DGKG: variants seen among roughly 807,000 people sequenced by gnomAD.
The protein encoded by DGKG is diacylglycerol kinase gamma, also known as DAG kinase gamma.
DGKG carries 78 observed loss-of-function variants against 105.3 expected under a neutral mutation model. The observed-to-expected ratio is 0.74, with a 90% confidence interval of 0.62 to 0.89. DGKG has a LOEUF of 0.89. DGKG is among the 40% of genes least tolerant of loss of function. The pLI is 0.00. For synonymous variants in DGKG, 346 were observed against 367.1 expected, an observed-to-expected ratio of 0.94 and a Z score of 0.66; for missense variants, 958 against 1,020.1, an observed-to-expected ratio of 0.94 and a Z score of 0.83.
chr3:186,303,274 G>A (rs1393702392), intron 3 of DGKG, among the ~76,000 whole-genome samples: 1 of 152,186 alleles, frequency 6.6e-6, no homozygotes, highest in Non-Finnish European at 1.5e-5. Context: ...GTGGCTAGGG[G>A]TCATGCCCAA....
intron 20 of DGKG, among the ~76,000 whole-genome samples, chr3:186,229,419 G>A (rs7614563): frequency 0.71 from 107,061 of 151,782 alleles, 40,077 homozygotes; most frequent in East Asian, 0.97. Flanking sequence ...TAATTTTTGT[G>A]TTTTTAGTAG....
chr3:186,180,969 C>A (rs1425319477), intron 22 of DGKG, among the ~76,000 whole-genome samples: 1 of 152,196 alleles, frequency 6.6e-6, no homozygotes, highest in African/African-American at 2.4e-5. Context: ...TCTAGGAGGG[C>A]AGATCTGATG....
At chr3:186,188,735 A>G (rs777194692) in intron 21 of DGKG, among the ~76,000 whole-genome samples, 7 of 152,166 alleles carry the variant, frequency 4.6e-5, no homozygotes, top group Non-Finnish European at 8.8e-5. Flanking sequence ...CCTAACCATT[A>G]GAAGATTTAG....
chr3:186,356,025 G>A (rs1726940734), intron 1 of DGKG, among the ~76,000 whole-genome samples: 1 of 152,172 alleles, frequency 6.6e-6, no homozygotes, highest in Non-Finnish European at 1.5e-5. Context: ...AAATACCAGT[G>A]ATGAAGAATA....
At chr3:186,229,997 C>A (rs998752681) in intron 20 of DGKG, among the ~76,000 whole-genome samples, 12 of 152,300 alleles carry the variant, frequency 7.9e-5, no homozygotes, top group Middle Eastern at 3.4e-3. Context: ...CGGTGGCTCA[C>A]GCCTGTAATC....
chr3:186,286,263 G>C (rs565162252), intron 6 of DGKG, among the ~76,000 whole-genome samples: 1 of 152,144 alleles, frequency 6.6e-6, no homozygotes, highest in African/African-American at 2.4e-5. Context: ...GGCATGCATC[G>C]TATGCTGCTG....
intron 1 of DGKG, among the ~76,000 whole-genome samples, chr3:186,347,370 C>T (rs1726392010): frequency 1.3e-5 from 2 of 149,692 alleles, no homozygotes; most frequent in Non-Finnish European, 3.0e-5. Flanking sequence ...ATTGCTTGAA[C>T]CCGGGAGGCA....
intron 2 of DGKG, 70 bp downstream of exon 2, chr3:186,320,323 A>G (rs1339149508): frequency 1.3e-6 from 2 of 1,595,274 alleles, no homozygotes; most frequent in African/African-American, 1.3e-5. Flanking sequence ...TCATACTGCT[A>G]TGCTTTCCAG....
intron 22 of DGKG, among the ~76,000 whole-genome samples, chr3:186,177,214 G>GA (rs1019829984): frequency 1.2e-4 from 18 of 152,250 alleles, no homozygotes; most frequent in Admixed American, 5.2e-4. Flanking sequence ...GCTCCCGGCT[G>GA]AAAAAGCTTC....
intron 3 of DGKG, among the ~76,000 whole-genome samples, chr3:186,299,837 C>CTTTCTTTCTTTCT (rs1560142091): frequency 1.1e-5 from 1 of 89,996 alleles, no homozygotes; most frequent in Non-Finnish European, 2.3e-5. Flanking sequence ...TTCTTTCTTT[C>CTTTCTTTCTTTCT]TTTTTTTTTT....
intron 13 of DGKG, 164 bp downstream of exon 13, chr3:186,267,521 G>GT (rs1462534284): frequency 1.0e-5 from 6 of 596,788 alleles, no homozygotes; most frequent in Non-Finnish European, 1.8e-5. Context: ...ACCCTCCCAT[G>GT]TACTCTCTAA....
At chr3:186,311,643 A>G (rs971518581) in intron 2 of DGKG, among the ~76,000 whole-genome samples, 6 of 152,172 alleles carry the variant, frequency 3.9e-5, no homozygotes, top group African/African-American at 1.4e-4. Context: ...GCAAATTCAA[A>G]GCCTTTTAAA....
intron 20 of DGKG, among the ~76,000 whole-genome samples, chr3:186,221,017 G>T (rs910491291): frequency 6.6e-6 from 1 of 152,148 alleles, no homozygotes. Context: ...AAGGACACAC[G>T]TGTGCACGTG....
At chr3:186,206,330 G>C (rs1237563812) in intron 21 of DGKG, among the ~76,000 whole-genome samples, 3 of 151,838 alleles carry the variant, frequency 2.0e-5, no homozygotes, top group African/African-American at 7.3e-5. Context: ...GTTGCAGTAA[G>C]CCAAGATCAC....
At chr3:186,317,264 C>T (rs988165612) in intron 2 of DGKG, among the ~76,000 whole-genome samples, 1 of 152,212 alleles carries the variant, frequency 6.6e-6, no homozygotes, top group Non-Finnish European at 1.5e-5. Flanking sequence ...TAGAGGCATA[C>T]CTTAAGCCTC....
At chr3:186,259,170 A>G (rs1200657674) in intron 16 of DGKG, among the ~76,000 whole-genome samples, 1 of 152,248 alleles carries the variant, frequency 6.6e-6, no homozygotes, top group Non-Finnish European at 1.5e-5. Context: ...TTGTCTGATT[A>G]GAGAGTGACA....
intron 10 of DGKG, among the ~76,000 whole-genome samples, chr3:186,273,526 C>T (rs929863608): frequency 2.0e-5 from 3 of 152,020 alleles, no homozygotes; most frequent in Non-Finnish European, 4.4e-5. Context: ...AAGCATGCGC[C>T]ACCATGCCCA....
At chr3:186,245,273 T>C (rs933601658) in intron 19 of DGKG, among the ~76,000 whole-genome samples, 1 of 152,184 alleles carries the variant, frequency 6.6e-6, no homozygotes, top group Non-Finnish European at 1.5e-5. Context: ...AATTTGACAA[T>C]GTAATCCCTT....
intron 2 of DGKG, among the ~76,000 whole-genome samples, chr3:186,310,867 C>A (rs1198394830): frequency 2.0e-5 from 3 of 152,118 alleles, no homozygotes; most frequent in African/African-American, 7.2e-5. Flanking sequence ...TATTTAAATC[C>A]CCACAACTAC....
Sources: gnomAD v4.1 joint callset for allele counts (sites outside exome capture counted in the v4.1 genomes callset) on GRCh38, gnomAD v4.1.1 for gene constraint, MANE v1.5 for transcripts, NCBI Gene and HGNC (gene_info 2026-07-23, HGNC 2026-07-21) for gene names.